Variants in CTDP1 observed in about 807,000 individuals in gnomAD.
CTDP1 encodes the protein CTD phosphatase 1, also known as RNA polymerase II subunit A C-terminal domain phosphatase.
Under a neutral mutation model 91.8 loss-of-function variants are expected in CTDP1, and 47 were observed. The observed-to-expected ratio is 0.51, with a 90% CI of 0.41 to 0.65. CTDP1 has a LOEUF of 0.65. CTDP1 is among the 30% of genes least tolerant of loss of function. The pLI is 0.00. For missense variants in CTDP1, 1,272 were observed against 1,373.7 expected, an observed-to-expected ratio of 0.93 and a Z score of 1.17; for synonymous variants, 656 against 598.5, an observed-to-expected ratio of 1.10 and a Z score of -1.40.
intron 11 of CTDP1, among the ~76,000 whole-genome samples, chr18:79,733,454 C>T (rs897793003): frequency 3.9e-5 from 6 of 152,284 alleles, no homozygotes; most frequent in South Asian, 2.1e-4. Flanking sequence ...AGGTGGGGCC[C>T]GTCTCCTGTA....
intron 12 of CTDP1, among the ~76,000 whole-genome samples, chr18:79,738,713 CATT>C (rs891051011): frequency 2.6e-5 from 4 of 152,330 alleles, no homozygotes; most frequent in African/African-American, 9.6e-5. Context: ...ACAAGATAGT[CATT>C]GTTCCGTTTG....
chr18:79,679,187 C>G, upstream of CTDP1: 2 of 328,540 alleles, frequency 6.1e-6, no homozygotes, highest in South Asian at 2.2e-5. Context: ...ACCGCCTGCG[C>G]GGGCCGAGGG....
At chr18:79,681,666 A>T (rs1443738388) in intron 1 of CTDP1, 1 of 171,888 alleles carries the variant, frequency 5.8e-6, no homozygotes, top group Non-Finnish European at 1.2e-5. Flanking sequence ...GTTTACAGGG[A>T]GGTGCTGTTT....
chr18:79,712,665 C>T (rs2086107391), intron 6 of CTDP1, among the ~76,000 whole-genome samples: 1 of 152,226 alleles, frequency 6.6e-6, no homozygotes, highest in Non-Finnish European at 1.5e-5. Context: ...GAAACATGGT[C>T]ACGCCCACAC....
chr18:79,733,507 G>A (rs967029040), intron 11 of CTDP1, among the ~76,000 whole-genome samples: 8 of 152,136 alleles, frequency 5.3e-5, no homozygotes, highest in South Asian at 2.1e-4. Context: ...GCCGGCGTCC[G>A]CTGCCTCTGC....
At position 79,696,001 on chromosome 18, in the gene CTDP1, G is replaced by T; in HGVS notation, c.423G>T (p.Gln141His). The T allele has an allele frequency of 6.2e-7, 1 of 1,612,696 alleles. No homozygotes were observed. The highest frequency in any genetic ancestry group is 8.5e-7 in the Non-Finnish European group (1 of 1,180,038). Residue 141 changes from glutamine to histidine, a missense_variant, in exon 3 of 13, where the codon CAG becomes CAT. By Grantham distance (24) the Gln-to-His change is conservative. Coordinates refer to ENST00000613122, the MANE Select transcript of CTDP1 (RefSeq NM_004715.5). ...GGTTGCAGAGTAAGAACGGGAAGCA[G>T]CAGGTGCCGCTGTCCACGGCGACCG... ...LTQLQSKNGK[Q>H]QVPLSTATVS...
intron 10 of CTDP1, among the ~76,000 whole-genome samples, chr18:79,719,613 GTGA>G (rs1343468875): frequency 2.0e-5 from 3 of 151,736 alleles, no homozygotes; most frequent in African/African-American, 2.4e-5. Flanking sequence ...AGGCGTCCTG[GTGA>G]TGATGTCACC....
chr18:79,734,169 G>A (rs193022468), intron 11 of CTDP1, among the ~76,000 whole-genome samples: 6 of 152,340 alleles, frequency 3.9e-5, no homozygotes, highest in African/African-American at 1.4e-4. Flanking sequence ...GACTTTGCCA[G>A]CGATGGGGTA....
At chr18:79,744,291 C>T (rs2086836615) in intron 12 of CTDP1, among the ~76,000 whole-genome samples, 1 of 152,386 alleles carries the variant, frequency 6.6e-6, no homozygotes, top group Admixed American at 6.5e-5. Flanking sequence ...GTGTCACAGG[C>T]AGGTGACCCC....
At position 79,714,488 on chromosome 18, in the gene CTDP1, T is replaced by G. The variant is rs200766719; in HGVS notation, c.1031-3T>G. The stretch of plus-strand genomic sequence containing the variant: ...TAACTTTTCCTTTTGCATGCATATT[T>G]AGTAAATCATTCTCGAGGCACTGAG... On this transcript the variant is annotated splice_region_variant and splice_polypyrimidine_tract_variant and intron_variant, in intron 7 of 12. Coordinates refer to ENST00000613122, the MANE Select transcript of CTDP1 (RefSeq NM_004715.5). The G allele has an allele frequency of 6.2e-7, 1 of 1,613,080 alleles. No homozygotes were observed. Among genetic ancestry groups the G allele is most frequent in the Admixed American group, 1.7e-5 (1 of 60,026 alleles).
chr18:79,751,459 T>C (rs2086999016), intron 12 of CTDP1, among the ~76,000 whole-genome samples: 2 of 152,204 alleles, frequency 1.3e-5, no homozygotes, highest in South Asian at 4.1e-4. Flanking sequence ...CGGTATTTCC[T>C]GGACCACGAA....
At chr18:79,679,637 G>T (rs75667721), upstream of CTDP1, 67,353 of 491,998 alleles carry the variant, frequency 0.14, 5,690 homozygotes, top group Non-Finnish European at 0.18. Flanking sequence ...CACGGTGCCG[G>T]CGCTCCGAGG....
rs1354915770 is a variant in CTDP1 at position 79,754,199 on chromosome 18, T to A, written c.*409T>A. The A allele has an allele frequency of 3.6e-6, 1 of 279,454 alleles. No homozygotes were observed. The highest frequency in any genetic ancestry group is 9.6e-5 in the East Asian group (1 of 10,396). The allele number at this position is 279,454 out of a possible 1,614,324, so 17.3% of individuals were successfully genotyped here. A position where few individuals can be genotyped will look rare whatever the true frequency, so the allele number is the denominator to read the frequency against. On this transcript the variant is annotated 3_prime_UTR_variant, in exon 13 of 13. Transcript: ENST00000613122. ...AGCAGGACAGTGTGCGTGCACGAGC[T>A]CCGAGCCCAGCACAGACATGCCTGG... is the stretch of plus-strand genomic sequence containing the variant.
In CTDP1 at chr18:79,702,467, G is replaced by A. The variant is rs190083276; in HGVS notation, c.622-2300G>A. ...CTCTATCCTGCAACCTCCACCTCCC[G>A]GGTTCAAGCCATTCTTGTGCCTCAG... On this transcript the variant is annotated intron_variant, in intron 4 of 12. Transcript: ENST00000613122. Among the ~76,000 whole-genome samples the A allele has an allele frequency of 2.6e-4, 40 of 152,204 alleles. 1 individual carries two copies. In the East Asian group the frequency reaches 7.0e-3, roughly 26 times the overall value.
intron 11 of CTDP1, among the ~76,000 whole-genome samples, chr18:79,733,895 T>C (rs544558532): frequency 2.0e-5 from 3 of 152,300 alleles, no homozygotes; most frequent in Admixed American, 2.0e-4. Flanking sequence ...TGGTAGAAAT[T>C]CCAACACTTA....
At chr18:79,718,500 G>A (rs957389364) in intron 10 of CTDP1, among the ~76,000 whole-genome samples, 6 of 152,324 alleles carry the variant, frequency 3.9e-5, no homozygotes, top group African/African-American at 1.4e-4. Flanking sequence ...GCACTGTGAG[G>A]AAGGGAAACT....
chr18:79,679,896 TCTGAGCGCAGCGCAG>T lies in CTDP1; in HGVS notation c.-51_-37del. 7.6e-7 allele frequency: 1 copy of T among 1,318,456 alleles called. No homozygotes were observed. The highest frequency in any genetic ancestry group is 9.7e-7 in the Non-Finnish European group (1 of 1,027,818). 81.7% of individuals were successfully genotyped at this position (1,318,456 alleles called of 1,614,324 possible). A position where few individuals can be genotyped will look rare whatever the true frequency, so the allele number is the denominator to read the frequency against. On this transcript the variant is annotated 5_prime_UTR_variant, in exon 1 of 13. Transcript: ENST00000613122. ...TGTGTCGCCGCGGTAGGCGCTGCGC[TCTGAGCGCAGCGCAG>T]GCCCCGTACCGACCGCCCGCCCGCC...
At chr18:79,684,381 G>A (rs183498170) in intron 1 of CTDP1, among the ~76,000 whole-genome samples, 9 of 152,224 alleles carry the variant, frequency 5.9e-5, no homozygotes, top group African/African-American at 9.6e-5. Flanking sequence ...GCTTAGTGTC[G>A]GTTACTGAGG....
chr18:79,736,987 T>A (rs1308509551), intron 12 of CTDP1, among the ~76,000 whole-genome samples: 1 of 152,140 alleles, frequency 6.6e-6, no homozygotes, highest in Non-Finnish European at 1.5e-5. Flanking sequence ...CACATGGCAC[T>A]GCTGGTCAGG....
Sources: allele counts gnomAD v4.1 joint callset (sites outside exome capture counted in the v4.1 genomes callset), GRCh38; gene constraint gnomAD v4.1.1; transcripts MANE v1.5; gene names NCBI Gene and HGNC (gene_info 2026-07-23, HGNC 2026-07-21).